Variants in RGS12 observed in about 807,000 individuals in gnomAD.
RGS12 encodes regulator of G protein signaling 12, also known as regulator of G-protein signaling 12.
RGS12 carries 66 observed loss-of-function variants against 120.1 expected under a neutral mutation model. The observed-to-expected ratio is 0.55, with a 90% confidence interval of 0.45 to 0.67. The LOEUF is 0.67. RGS12 is among the 30% of genes least tolerant of loss of function. RGS12 has a pLI of 0.00. For missense variants in RGS12, 1,859 were observed against 1,957.7 expected (o/e 0.95, Z 0.95); for synonymous variants, 827 against 804.7 (o/e 1.03, Z -0.47).
Position 3,439,737 on chromosome 4 carries a change from A to T in RGS12, c.*53A>T. The T allele has an allele frequency of 1.4e-6, 2 of 1,435,260 alleles. No individual in the cohort carries two copies. The highest frequency in any genetic ancestry group is 1.8e-6 in the Non-Finnish European group (2 of 1,087,594). 88.9% of individuals were successfully genotyped at this position (1,435,260 alleles called of 1,614,324 possible). A position where few individuals can be genotyped will look rare whatever the true frequency, so the allele number is the denominator to read the frequency against. ...TGGACATGTCGGGGTGGGGCAGCCCAGGTGGATTCTGTGGGCCTCAGGGGG... is the reference window on the plus strand; with the variant it reads ...TGGACATGTCGGGGTGGGGCAGCCCTGGTGGATTCTGTGGGCCTCAGGGGG... On this transcript the variant is annotated 3_prime_UTR_variant, in exon 18 of 18. Transcript: ENST00000336727.
At chr4:3,370,208 G>A (rs1462744518) in intron 3 of RGS12, 6 of 1,590,742 alleles carry the variant, frequency 3.8e-6, no homozygotes, top group African/African-American at 1.3e-5. Context: ...ACACGCACAA[G>A]CTGCGGTGTT....
chr4:3,362,617 G>A (rs751380225), intron 3 of RGS12, among the ~76,000 whole-genome samples: 20 of 138,312 alleles, frequency 1.4e-4, no homozygotes, highest in Admixed American at 2.9e-4. Context: ...GATGTCGTGA[G>A]GGGGTGTGTG....
chr4:3,376,745 C>T (rs1717742331), intron 3 of RGS12, among the ~76,000 whole-genome samples: 1 of 152,216 alleles, frequency 6.6e-6, no homozygotes, highest in Non-Finnish European at 1.5e-5. Flanking sequence ...GACCCCTGTG[C>T]TAGTGGAGCA....
intron 6 of RGS12, among the ~76,000 whole-genome samples, chr4:3,415,186 C>T (rs1241158126): frequency 7.1e-6 from 1 of 141,060 alleles, no homozygotes; most frequent in African/African-American, 2.7e-5. Context: ...GATAGGGCCG[C>T]GTGTGAGAGG....
chr4:3,328,588 C>G (rs1367070496), intron 2 of RGS12, among the ~76,000 whole-genome samples: 1 of 152,270 alleles, frequency 6.6e-6, no homozygotes, highest in Non-Finnish European at 1.5e-5. Context: ...AAATAAATGA[C>G]CTAGTCTCAG....
intron 1 of RGS12, among the ~76,000 whole-genome samples, chr4:3,303,818 G>C (rs559891573): frequency 1.3e-5 from 2 of 152,346 alleles, no homozygotes; most frequent in South Asian, 4.1e-4. Context: ...TCCTTTTACT[G>C]TTGCTGGACT....
intron 17 of RGS12, among the ~76,000 whole-genome samples, chr4:3,437,852 G>T (rs1036946964): frequency 6.6e-6 from 1 of 152,192 alleles, no homozygotes; most frequent in Non-Finnish European, 1.5e-5. Context: ...GGCTGGGCAC[G>T]CTCAAGAGGG....
Position 3,316,378 on chromosome 4 carries a change from A to G in RGS12, c.208A>G (p.Ile70Val). 1 of 1,613,830 alleles carries G rather than the reference A, an allele frequency of 6.2e-7. No individual in the cohort carries two copies. The highest frequency in any genetic ancestry group is 8.5e-7 in the Non-Finnish European group (1 of 1,179,874). Reference protein sequence around the residue: ...AGDQILAVNEINVKKASHEDV... With the variant: ...AGDQILAVNEVNVKKASHEDV... ...AGACCAGATACTTGCTGTCAATGAA[A>G]TCAACGTGAAAAAAGCATCTCATGA... The change falls in exon 2 of 18, where the codon ATC becomes GTC. Residue 70 changes from isoleucine (I) to valine (V), a missense_variant. By Grantham distance (29) the Ile-to-Val change is conservative (BLOSUM62 3). Around this residue, in one of 3 missense-constraint regions of RGS12, gnomAD observed 967 missense variants for 994.2 expected, o/e 0.97. Transcript: ENST00000336727.
intron 16 of RGS12, among the ~76,000 whole-genome samples, chr4:3,429,942 G>T (rs1377475984): frequency 6.6e-6 from 1 of 152,108 alleles, no homozygotes. Flanking sequence ...ACCCCTCCTC[G>T]GGTTCATTCT....
chr4:3,432,232 A>AT, intron 17 of RGS12: 1 of 901,898 alleles, frequency 1.1e-6, no homozygotes, highest in Non-Finnish European at 1.3e-6. Context: ...TTAGAAAATA[A>AT]TAAAAGTATT....
intron 3 of RGS12, chr4:3,385,999 G>A (rs546908443): frequency 6.1e-4 from 130 of 214,314 alleles, no homozygotes; most frequent in African/African-American, 2.8e-3. Context: ...TGAGTGGACT[G>A]TTGGTGGCTG....
chr4:3,321,955 C>T (rs1560662263), intron 2 of RGS12, among the ~76,000 whole-genome samples: 1 of 152,260 alleles, frequency 6.6e-6, no homozygotes, highest in East Asian at 1.9e-4. Context: ...AAATATAATA[C>T]TGCATCTAGT....
At chr4:3,315,652 G>A (rs1297906636) in intron 1 of RGS12, among the ~76,000 whole-genome samples, 2 of 152,222 alleles carry the variant, frequency 1.3e-5, no homozygotes, top group Non-Finnish European at 1.5e-5. Context: ...TGCTTCTCAC[G>A]CTTGGACTCT....
chr4:3,419,527 T>G (rs1359371005), intron 9 of RGS12: 1 of 152,120 alleles, frequency 6.6e-6, no homozygotes, highest in Non-Finnish European at 1.5e-5. Flanking sequence ...CAAACCTTGA[T>G]AGCAGTGGCG....
Position 3,296,832 on chromosome 4 carries a change from T to C in RGS12, c.-102+3733T>C, listed in dbSNP as rs967670115. 4.6e-5 allele frequency among the ~76,000 whole-genome samples: 7 copies of C among 152,306 alleles called. No homozygotes were observed. The East Asian group carries it at 1.4e-3, about 29-fold the overall frequency. Reference sequence around the variant, plus strand: ...GGTGTCCTGGGAAGGAAGACAAGCCTTGCTCAGGATGCAAGCCCCAGTCAT... The same window carrying C: ...GGTGTCCTGGGAAGGAAGACAAGCCCTGCTCAGGATGCAAGCCCCAGTCAT... On this transcript the variant is annotated intron_variant, in intron 1 of 17. Transcript: ENST00000336727.
At chr4:3,309,932 G>A (rs1241659839) in intron 1 of RGS12, among the ~76,000 whole-genome samples, 3 of 143,146 alleles carry the variant, frequency 2.1e-5, no homozygotes, top group Non-Finnish European at 3.1e-5. Context: ...CCCTGGAATG[G>A]CAGGTGTCCG....
At chr4:3,328,831 T>G (rs1436493654) in intron 2 of RGS12, among the ~76,000 whole-genome samples, 1 of 152,162 alleles carries the variant, frequency 6.6e-6, no homozygotes, top group Non-Finnish European at 1.5e-5. Flanking sequence ...GCTGCCCTGG[T>G]TCTTCAAACT....
At chr4:3,380,170 A>G (rs1165732725) in intron 3 of RGS12, among the ~76,000 whole-genome samples, 2 of 152,168 alleles carry the variant, frequency 1.3e-5, no homozygotes, top group African/African-American at 2.4e-5. Flanking sequence ...TGCAAGTCCA[A>G]AATGCAATAG....
intron 4 of RGS12, among the ~76,000 whole-genome samples, chr4:3,404,865 C>T (rs1461714159): frequency 6.6e-6 from 1 of 152,168 alleles, no homozygotes; most frequent in Non-Finnish European, 1.5e-5. Context: ...AATTCCTGGG[C>T]TGGAGTGGGA....
Sources: allele counts gnomAD v4.1 joint callset (sites outside exome capture counted in the v4.1 genomes callset), GRCh38; gene constraint gnomAD v4.1.1; regional missense constraint gnomAD v4.1.1; transcripts MANE v1.5; gene names NCBI Gene and HGNC (gene_info 2026-07-23, HGNC 2026-07-21).